Variants in STXBP5L observed in about 807,000 individuals in gnomAD.
STXBP5L encodes the protein syntaxin-binding protein 5-like.
STXBP5L carries 65 observed loss-of-function variants against 144.5 expected under a neutral mutation model. That is an observed-to-expected ratio of 0.45 (90% CI 0.37 to 0.55). The LOEUF (loss-of-function observed/expected upper bound fraction) is 0.55. Ranked by LOEUF, STXBP5L falls within the 20% of genes least tolerant of loss-of-function variation. STXBP5L has a pLI of 0.00. For missense variants in STXBP5L, 1,298 were observed against 1,405.5 expected, an observed-to-expected ratio of 0.92 and a Z score of 1.22; for synonymous variants, 505 against 469.6, an observed-to-expected ratio of 1.08 and a Z score of -0.97.
chr3:121,204,947 C>T (rs1207169702), intron 9 of STXBP5L, among the ~76,000 whole-genome samples: 1 of 151,920 alleles, frequency 6.6e-6, no homozygotes, highest in East Asian at 1.9e-4. Flanking sequence ...TTGTTTTATG[C>T]AAAATGAATA....
intron 22 of STXBP5L, among the ~76,000 whole-genome samples, chr3:121,403,807 C>A (rs1241386684): frequency 6.6e-6 from 1 of 152,124 alleles, no homozygotes; most frequent in African/African-American, 2.4e-5. Context: ...CCATTCCTAC[C>A]TTAAAACACT....
intron 9 of STXBP5L, among the ~76,000 whole-genome samples, chr3:121,184,748 C>A (rs189501211): frequency 6.6e-6 from 1 of 151,976 alleles, no homozygotes; most frequent in South Asian, 2.1e-4. Flanking sequence ...AAAGCAAACC[C>A]AAGACACACA....
At chr3:121,049,173 TC>T (rs1947753542) in intron 5 of STXBP5L, among the ~76,000 whole-genome samples, 1 of 152,174 alleles carries the variant, frequency 6.6e-6, no homozygotes. Context: ...CTGCTGCTTT[TC>T]TGTAAGGTGG....
At chr3:121,190,924 C>A (rs2047646955) in intron 9 of STXBP5L, among the ~76,000 whole-genome samples, 1 of 151,384 alleles carries the variant, frequency 6.6e-6, no homozygotes, top group Non-Finnish European at 1.5e-5. Context: ...GGCAGAGGAG[C>A]TCTTCATATC....
intron 3 of STXBP5L, among the ~76,000 whole-genome samples, chr3:120,998,739 G>A (rs1271965277): frequency 6.6e-6 from 1 of 152,174 alleles, no homozygotes; most frequent in Non-Finnish European, 1.5e-5. Flanking sequence ...CAAGCTGAGA[G>A]TTAAATCAAG....
intron 12 of STXBP5L, among the ~76,000 whole-genome samples, 159 bp from the exon 13 acceptor site, chr3:121,238,812 A>G (rs1192076539): frequency 1.3e-5 from 2 of 149,106 alleles, no homozygotes; most frequent in African/African-American, 5.0e-5. Flanking sequence ...ACTATTACAA[A>G]AAGAGCATTT....
intron 3 of STXBP5L, among the ~76,000 whole-genome samples, chr3:121,019,411 C>T (rs1284421123): frequency 6.6e-6 from 1 of 152,232 alleles, no homozygotes; most frequent in Non-Finnish European, 1.5e-5. Context: ...CCCTATACAA[C>T]CGCAGCTGAT....
At chr3:121,041,997 G>C (rs114640440) in intron 4 of STXBP5L, among the ~76,000 whole-genome samples, 2 of 151,974 alleles carry the variant, frequency 1.3e-5, no homozygotes, top group Non-Finnish European at 2.9e-5. Flanking sequence ...TTCTGTTATT[G>C]TTACTATATA....
chr3:120,939,200 G>C (rs1278274551), intron 2 of STXBP5L, among the ~76,000 whole-genome samples: 1 of 152,116 alleles, frequency 6.6e-6, no homozygotes, highest in Non-Finnish European at 1.5e-5. Flanking sequence ...TTTTCATTGT[G>C]TCTAGTACGT....
At chr3:121,395,918 G>A (rs1416457203) in intron 22 of STXBP5L, among the ~76,000 whole-genome samples, 1 of 152,192 alleles carries the variant, frequency 6.6e-6, no homozygotes, top group Admixed American at 6.5e-5. Flanking sequence ...AGGGGTCCTC[G>A]GGATCCTCCC....
chr3:121,132,494 C>T (rs2045039229), intron 7 of STXBP5L, among the ~76,000 whole-genome samples: 1 of 152,130 alleles, frequency 6.6e-6, no homozygotes, highest in Non-Finnish European at 1.5e-5. Context: ...GATAGAAGTC[C>T]TCAGAATCTC....
intron 22 of STXBP5L, among the ~76,000 whole-genome samples, chr3:121,390,909 C>T (rs1229569128): frequency 6.6e-6 from 1 of 152,062 alleles, no homozygotes; most frequent in Non-Finnish European, 1.5e-5. Context: ...TCTCGTATTT[C>T]CTGAATTTGA....
intron 20 of STXBP5L, among the ~76,000 whole-genome samples, chr3:121,372,358 G>T (rs2046057569): frequency 6.6e-6 from 1 of 152,120 alleles, no homozygotes; most frequent in African/African-American, 2.4e-5. Context: ...TTGAGCCTAG[G>T]GTGACGGGCA....
At chr3:121,104,352 C>T (rs1350851780) in intron 5 of STXBP5L, among the ~76,000 whole-genome samples, 4 of 152,004 alleles carry the variant, frequency 2.6e-5, no homozygotes, top group Non-Finnish European at 5.9e-5. Context: ...AATGCAATTC[C>T]CATTAAAATA....
chr3:120,983,457 G>A (rs1292490091), intron 3 of STXBP5L, among the ~76,000 whole-genome samples: 2 of 152,260 alleles, frequency 1.3e-5, no homozygotes, highest in East Asian at 1.9e-4. Flanking sequence ...CTGGCCTTGT[G>A]GCTGGGGCAG....
intron 18 of STXBP5L, among the ~76,000 whole-genome samples, chr3:121,263,152 T>C (rs1281464224): frequency 6.6e-6 from 1 of 152,170 alleles, no homozygotes; most frequent in Non-Finnish European, 1.5e-5. Flanking sequence ...TTCTGCTGCC[T>C]CCACTAGTGA....
At chr3:121,280,664 A>G (rs1003278355) in intron 19 of STXBP5L, among the ~76,000 whole-genome samples, 2 of 151,964 alleles carry the variant, frequency 1.3e-5, no homozygotes, top group Non-Finnish European at 2.9e-5. Flanking sequence ...AACACTGCCA[A>G]AGTTTTGCAT....
chr3:120,934,103 T>C (rs1211514444), intron 2 of STXBP5L, among the ~76,000 whole-genome samples: 2 of 151,634 alleles, frequency 1.3e-5, no homozygotes, highest in Non-Finnish European at 2.9e-5. Flanking sequence ...TTTTTTTTTT[T>C]TCATTTCTCT....
chr3:121,100,802 A>T (rs1487914008), intron 5 of STXBP5L, among the ~76,000 whole-genome samples: 1 of 151,982 alleles, frequency 6.6e-6, no homozygotes, highest in Non-Finnish European at 1.5e-5. Flanking sequence ...TCGACAAAAA[A>T]AAAAAGTTGG....
Sources: allele counts gnomAD v4.1 joint callset (sites outside exome capture counted in the v4.1 genomes callset), GRCh38; gene constraint gnomAD v4.1.1; transcripts MANE v1.5; gene names NCBI Gene and HGNC (gene_info 2026-07-23, HGNC 2026-07-21).